The following ASTN2 variants were observed in gnomAD, a reference collection of about 807,000 sequenced individuals.
ASTN2 encodes astrotactin 2, also known as astrotactin-2.
ASTN2 carries 54 observed loss-of-function variants against 139.8 expected under a neutral mutation model. That is an observed-to-expected ratio of 0.39 (90% CI 0.31 to 0.48). The LOEUF is 0.48. ASTN2 is among the 20% of genes least tolerant of loss of function. The probability of loss-of-function intolerance (pLI) is 0.95; values close to 1 mark genes in which losing one functional copy is unlikely to be tolerated. For synonymous variants in ASTN2, 756 were observed against 719.5 expected (o/e 1.05, Z -0.81); for missense variants, 1,565 against 1,725.1 (o/e 0.91, Z 1.64).
chr9:117,314,813 T>C (rs940904526), intron 1 of ASTN2, among the ~76,000 whole-genome samples: 3 of 145,734 alleles, frequency 2.1e-5, no homozygotes, highest in African/African-American at 7.4e-5. Context: ...TACTATATAT[T>C]TTATATAACT....
intron 19 of ASTN2, among the ~76,000 whole-genome samples, chr9:116,587,410 GA>G: frequency 6.6e-6 from 1 of 150,794 alleles, no homozygotes; most frequent in African/African-American, 2.4e-5. Flanking sequence ...TCTTATGAGA[GA>G]CCCATTCTTT....
chr9:116,997,520 G>T (rs914738188), intron 7 of ASTN2, among the ~76,000 whole-genome samples: 3 of 151,920 alleles, frequency 2.0e-5, no homozygotes, highest in African/African-American at 7.3e-5. Context: ...TTGTCCAAAG[G>T]ATTCATGCCT....
intron 20 of ASTN2, among the ~76,000 whole-genome samples, chr9:116,458,366 T>C (rs375309111): frequency 2.0e-5 from 3 of 151,876 alleles, no homozygotes; most frequent in East Asian, 3.9e-4. Flanking sequence ...AAGAGCATAA[T>C]TGAAAAGTTC....
intron 19 of ASTN2, among the ~76,000 whole-genome samples, chr9:116,580,567 G>C (rs1204415967): frequency 1.3e-5 from 2 of 152,160 alleles, no homozygotes; most frequent in African/African-American, 4.8e-5. Flanking sequence ...TAAGCTGGTG[G>C]CAAGGGATGG....
At chr9:116,652,241 A>T (rs112555074) in intron 16 of ASTN2, among the ~76,000 whole-genome samples, 4,466 of 152,142 alleles carry the variant, frequency 0.029, 202 homozygotes, top group African/African-American at 0.1. Flanking sequence ...CAGGAGAATC[A>T]CTTGAACCCA....
At chr9:116,799,706 T>G (rs372894548) in intron 13 of ASTN2, among the ~76,000 whole-genome samples, 98 of 123,278 alleles carry the variant, frequency 7.9e-4, no homozygotes, top group Admixed American at 1.7e-3. Flanking sequence ...GGTAAGAGAG[T>G]GGGGGGGGGG....
At position 116,515,916 on chromosome 9, in the gene ASTN2, CT is replaced by C. The variant is rs1386519578; in HGVS notation, c.3356-28417del. Among the ~76,000 whole-genome samples, 8 of 152,214 alleles carry C rather than the reference CT, an allele frequency of 5.3e-5. No individual in the cohort carries two copies. The East Asian group carries it at 1.5e-3, about 29-fold the overall frequency. On this transcript the variant is annotated intron_variant, in intron 19 of 22. Coordinates refer to ENST00000313400, the MANE Select transcript of ASTN2 (RefSeq NM_001365068.1). ...ACCTGGGATGTCTTGCTAAAACAGACTATGGGAACACACCACTAGAGTTACT... is the reference window on the plus strand; with the variant it reads ...ACCTGGGATGTCTTGCTAAAACAGACATGGGAACACACCACTAGAGTTACT...
chr9:116,791,708 C>G (rs930063946), intron 13 of ASTN2, among the ~76,000 whole-genome samples: 14 of 152,176 alleles, frequency 9.2e-5, no homozygotes, highest in Admixed American at 7.9e-4. Context: ...TCTTTCTGAG[C>G]GTTTAGACCA....
intron 20 of ASTN2, among the ~76,000 whole-genome samples, chr9:116,486,705 C>T (rs1460579887): frequency 2.6e-5 from 4 of 152,104 alleles, no homozygotes; most frequent in African/African-American, 7.2e-5. Flanking sequence ...GATCTAAAAA[C>T]AACACTCATT....
At chr9:117,368,856 C>T (rs1176394685) in intron 1 of ASTN2, among the ~76,000 whole-genome samples, 1 of 152,186 alleles carries the variant, frequency 6.6e-6, no homozygotes, top group African/African-American at 2.4e-5. Flanking sequence ...GCCTTTAACA[C>T]AGTATGAAGA....
At chr9:116,608,239 A>G (rs1389296353) in intron 19 of ASTN2, among the ~76,000 whole-genome samples, 2 of 152,166 alleles carry the variant, frequency 1.3e-5, no homozygotes, top group Non-Finnish European at 2.9e-5. Context: ...AATTGAAGCA[A>G]TCTGTGGAGG....
intron 1 of ASTN2, among the ~76,000 whole-genome samples, chr9:117,380,537 G>A (rs1830240135): frequency 6.6e-6 from 1 of 151,202 alleles, no homozygotes; most frequent in African/African-American, 2.4e-5. Flanking sequence ...CCCAGGAGGT[G>A]GAGGTTGCAG....
chr9:116,532,960 C>A (rs1042141218), intron 19 of ASTN2, among the ~76,000 whole-genome samples: 2 of 152,146 alleles, frequency 1.3e-5, no homozygotes, highest in African/African-American at 4.8e-5. Flanking sequence ...GCAGTATGGC[C>A]ATTTTGCAAT....
At chr9:117,247,963 G>A (rs950968983) in intron 2 of ASTN2, among the ~76,000 whole-genome samples, 2 of 152,130 alleles carry the variant, frequency 1.3e-5, no homozygotes, top group African/African-American at 4.8e-5. Context: ...ACCTCTCAGC[G>A]ACCCCTGCAC....
At chr9:117,040,608 A>G (rs1838534798) in intron 5 of ASTN2, among the ~76,000 whole-genome samples, 1 of 152,040 alleles carries the variant, frequency 6.6e-6, no homozygotes, top group African/African-American at 2.4e-5. Flanking sequence ...ACAGGCACCC[A>G]CCACCAAGCC....
intron 10 of ASTN2, among the ~76,000 whole-genome samples, chr9:116,903,481 G>C (rs1183644575): frequency 6.6e-6 from 1 of 152,038 alleles, no homozygotes; most frequent in African/African-American, 2.4e-5. Flanking sequence ...TGAGTGTTAG[G>C]GTCTCTTAAG....
At chr9:116,456,564 G>A (rs2118946446) in intron 20 of ASTN2, among the ~76,000 whole-genome samples, 1 of 152,302 alleles carries the variant, frequency 6.6e-6, no homozygotes. Flanking sequence ...ACATGTCTGG[G>A]GAGGTTTCAC....
At chr9:117,016,586 T>G in intron 6 of ASTN2, among the ~76,000 whole-genome samples, 1 of 90,982 alleles carries the variant, frequency 1.1e-5, no homozygotes, top group East Asian at 3.0e-4. Flanking sequence ...TGGGGTATTC[T>G]AGGTTTTATA....
chr9:116,718,196 T>C (rs960480776), intron 16 of ASTN2, among the ~76,000 whole-genome samples: 5 of 152,088 alleles, frequency 3.3e-5, no homozygotes, highest in Non-Finnish European at 5.9e-5. Context: ...TTGGGTGATA[T>C]GAAGTGATCT....
Sources: allele counts gnomAD v4.1 joint callset (sites outside exome capture counted in the v4.1 genomes callset), GRCh38; gene constraint gnomAD v4.1.1; transcripts MANE v1.5; gene names NCBI Gene and HGNC (gene_info 2026-07-23, HGNC 2026-07-21).